POLR1A: variants seen among roughly 807,000 people sequenced by gnomAD.
The protein encoded by POLR1A is RNA polymerase I subunit A.
POLR1A carries 84 observed loss-of-function variants against 205.3 expected under a neutral mutation model. The ratio of observed to expected loss-of-function variants is 0.41; its 90% confidence interval spans 0.34 to 0.49. The LOEUF (loss-of-function observed/expected upper bound fraction) is 0.49, where lower values mean the gene tolerates loss of function less well. Among genes scored for constraint, POLR1A ranks in the 20% least tolerant of loss-of-function variants. The pLI is 0.22. For synonymous variants in POLR1A, 799 were observed against 863.7 expected, an observed-to-expected ratio of 0.93 and a Z score of 1.31; for missense variants, 1,645 against 2,204.5, an observed-to-expected ratio of 0.75 and a Z score of 5.08.
At position 86,075,031 on chromosome 2, in the gene POLR1A, A is replaced by G. The variant is rs1248216729; in HGVS notation, c.1610T>C (p.Ile537Thr). Residue 537 changes from isoleucine (I) to threonine (T), a missense_variant and splice_region_variant, in exon 12 of 34, where the codon ATT becomes ACT. Physicochemically the swap from Ile to Thr is moderately conservative, Grantham distance 89. Around this residue, in one of 16 missense-constraint regions of POLR1A, gnomAD observed 131 missense variants for 214.5 expected, o/e 0.61. Transcript: ENST00000263857. Reference sequence around the variant, plus strand: ...CTGACCAAAGCTGCCCTTACTCACAATTTTTGTCCCCTGGGGCTTAGGTGC... The same window carrying G: ...CTGACCAAAGCTGCCCTTACTCACAGTTTTTGTCCCCTGGGGCTTAGGTGC... ...TGAPKPQGTK[I>T]VCRHVKNGDI... 3.7e-6 allele frequency: 6 copies of G among 1,604,198 alleles called. No individual in the cohort carries two copies. In the African/African-American group the frequency reaches 4.0e-5, roughly 11 times the overall value.
intron 13 of POLR1A, among the ~76,000 whole-genome samples, chr2:86,067,274 T>C (rs974338733): frequency 2.6e-5 from 4 of 152,236 alleles, no homozygotes; most frequent in Admixed American, 6.5e-5. Flanking sequence ...TTCTCCTTAA[T>C]AGCAAAATGA....
chr2:86,034,998 G>A (rs2104383799), intron 27 of POLR1A, among the ~76,000 whole-genome samples: 1 of 152,232 alleles, frequency 6.6e-6, no homozygotes, highest in Non-Finnish European at 1.5e-5. Flanking sequence ...AGCCTTCTGA[G>A]TAGCTGGGAT....
chr2:86,083,257 C>T, intron 6 of POLR1A, 89 bp from the exon 7 acceptor site: 2 of 920,946 alleles, frequency 2.2e-6, no homozygotes, highest in Non-Finnish European at 3.5e-6. Flanking sequence ...ATCCCCAAGC[C>T]TGCAACTTGA....
intron 1 of POLR1A, among the ~76,000 whole-genome samples, chr2:86,105,473 T>C (rs1390756802): frequency 5.3e-5 from 8 of 152,058 alleles, no homozygotes; most frequent in Non-Finnish European, 8.8e-5. Flanking sequence ...CCCACCCTTA[T>C]ATTCCCCTAC....
At chr2:86,068,142 A>G (rs1673114485) in intron 13 of POLR1A, among the ~76,000 whole-genome samples, 1 of 152,160 alleles carries the variant, frequency 6.6e-6, no homozygotes, top group African/African-American at 2.4e-5. Flanking sequence ...AGCACATTCA[A>G]GGTCACTGGT....
Position 86,075,286 on chromosome 2 carries a change from A to G in POLR1A, c.1381-26T>C, listed in dbSNP as rs2288116. ...CTGGAAATGAGGAATGGAGGTAGAA[A>G]TTCAGGGCAGGGATAAAAAAAGGTC... On this transcript the variant is annotated intron_variant, in intron 11 of 33. Transcript: ENST00000263857. 0.012 allele frequency: 18,511 copies of G among 1,518,278 alleles called. 431 individuals carry two copies. The highest frequency in any genetic ancestry group is 0.12 in the East Asian group (5,030 of 43,110). 94.1% of individuals were successfully genotyped at this position (1,518,278 alleles called of 1,614,324 possible).
In POLR1A at chr2:86,070,652, C is replaced by T. The variant is rs371064861; in HGVS notation, c.1612-380G>A. ...TAACCATAACAAAATGAAGACATAA[C>T]CATAAAACCACTGGGTTTGAAAGGC... On this transcript the variant is annotated intron_variant, in intron 12 of 33. Coordinates refer to ENST00000263857, the MANE Select transcript of POLR1A (RefSeq NM_015425.6). This position sits in a 1 kb window ranked among gnomAD's most constrained non-coding sequence, Gnocchi z 4.4. Among the ~76,000 whole-genome samples the T allele has an allele frequency of 1.3e-4, 20 of 151,878 alleles. No homozygotes were observed. The highest frequency in any genetic ancestry group is 4.4e-4 in the African/African-American group (18 of 41,332).
intron 19 of POLR1A, among the ~76,000 whole-genome samples, chr2:86,046,575 G>A (rs192881247): frequency 5.7e-4 from 87 of 152,292 alleles, no homozygotes; most frequent in Middle Eastern, 3.4e-3. Context: ...GCCAGGTGCG[G>A]TGGCTCATGC....
chr2:86,045,183 A>G, intron 21 of POLR1A, 95 bp downstream of exon 21: 1 of 847,408 alleles, frequency 1.2e-6, no homozygotes, highest in Non-Finnish European at 1.9e-6. Flanking sequence ...TTTTTCATCC[A>G]AGGAATCTTA....
At chr2:86,080,634 A>G (rs1673382566) in intron 9 of POLR1A, among the ~76,000 whole-genome samples, 182 bp downstream of exon 9, 1 of 152,084 alleles carries the variant, frequency 6.6e-6, no homozygotes, top group African/African-American at 2.4e-5. Context: ...CCATGCTCAG[A>G]CCCATGTGTG....
At position 86,028,502 on chromosome 2, in the gene POLR1A, C is replaced by T; in HGVS notation, c.4897+92G>A. Reference sequence around the variant, plus strand: ...GCCTTAGTGCTGGACTGACTCGGTGCTGGACCGACACGGTCCTGACCCTCC... The same window carrying T: ...GCCTTAGTGCTGGACTGACTCGGTGTTGGACCGACACGGTCCTGACCCTCC... On this transcript the variant is annotated intron_variant, in intron 32 of 33. Transcript: ENST00000263857. This position sits in a 1 kb window ranked among gnomAD's most constrained non-coding sequence, Gnocchi z 4.5. The T allele has an allele frequency of 1.1e-6, 1 of 876,256 alleles. No individual in the cohort carries two copies. Among genetic ancestry groups the T allele is most frequent in the Non-Finnish European group, 2.0e-6 (1 of 512,592 alleles). 54.3% of individuals were successfully genotyped at this position (876,256 alleles called of 1,614,324 possible).
chr2:86,051,482 G>T (rs1672802139), intron 16 of POLR1A, among the ~76,000 whole-genome samples: 1 of 152,198 alleles, frequency 6.6e-6, no homozygotes, highest in Admixed American at 6.5e-5. Flanking sequence ...GCAGCTGCAG[G>T]TCCACAGGCC....
chr2:86,097,320 C>A (rs1402925630), intron 3 of POLR1A, among the ~76,000 whole-genome samples: 2 of 148,182 alleles, frequency 1.3e-5, no homozygotes, highest in African/African-American at 2.5e-5. Context: ...ATAGCCACTA[C>A]GGGAAACATA....
At chr2:86,099,931 G>A in intron 2 of POLR1A, 37 bp downstream of exon 2, 1 of 1,567,352 alleles carries the variant, frequency 6.4e-7, no homozygotes, top group Non-Finnish European at 8.8e-7. Context: ...AATCCCACCA[G>A]CAGCCCGGAG....
At chr2:86,068,499 T>A (rs1265123377) in intron 13 of POLR1A, among the ~76,000 whole-genome samples, 1 of 149,226 alleles carries the variant, frequency 6.7e-6, no homozygotes, top group African/African-American at 2.5e-5. Context: ...ACCAACCTCA[T>A]AAGGAAGGGA....
At chr2:86,079,614 G>A (rs1488326476) in intron 9 of POLR1A, among the ~76,000 whole-genome samples, 3 of 152,046 alleles carry the variant, frequency 2.0e-5, no homozygotes, top group African/African-American at 7.2e-5. Context: ...CCAGGCTGGA[G>A]GGCAGTGGTG....
At position 86,045,755 on chromosome 2, in the gene POLR1A, C is replaced by T. The variant is rs190533227; in HGVS notation, c.2748G>A (p.Leu916=). 6.2e-6 allele frequency: 10 copies of T among 1,607,082 alleles called. No homozygotes were observed. The highest frequency in any genetic ancestry group is 2.2e-5 in the East Asian group (1 of 44,832). The change falls in exon 20 of 34, where the codon CTG becomes CTA. Residue 916 remains leucine (L), a synonymous_variant. Transcript: ENST00000263857. ...TCCGACCTTCCAGTTCAATCTGGCC[C>T]AGCAGGCACGAGATCTGGAGGACAG... ...TVNTMQISCL[L]GQIELEGRRP... is the part of the protein sequence containing the mutation.
intron 12 of POLR1A, among the ~76,000 whole-genome samples, chr2:86,073,305 C>T (rs1673213448): frequency 6.6e-6 from 1 of 152,114 alleles, no homozygotes; most frequent in Non-Finnish European, 1.5e-5. Context: ...GATTGGAACA[C>T]AGCCATGCCT....
chr2:86,028,193 G>C lies in POLR1A; in HGVS notation c.4898-144C>G. On this transcript the variant is annotated intron_variant, in intron 32 of 33. Coordinates refer to ENST00000263857, the MANE Select transcript of POLR1A (RefSeq NM_015425.6). The surrounding 1 kb of genome is among the most constrained non-coding windows in gnomAD (Gnocchi z 4.5). Reference sequence around the variant, plus strand: ...CCCTTCAGCTCCGCCACCTGCTCACGCTACTTAACCCTTCCCCGTGGTCTG... The same window carrying C: ...CCCTTCAGCTCCGCCACCTGCTCACCCTACTTAACCCTTCCCCGTGGTCTG... 1.3e-6 allele frequency: 1 copy of C among 754,104 alleles called. No individual in the cohort carries two copies. The highest frequency in any genetic ancestry group is 2.3e-6 in the Non-Finnish European group (1 of 435,946). The allele number at this position is 754,104 out of a possible 1,614,324, so 46.7% of individuals were successfully genotyped here. A position where few individuals can be genotyped will look rare whatever the true frequency, so the allele number is the denominator to read the frequency against.
Sources: gnomAD v4.1 joint callset for allele counts (sites outside exome capture counted in the v4.1 genomes callset) on GRCh38, gnomAD v4.1.1 for gene constraint, gnomAD v4.1.1 regional missense constraint, Gnocchi (gnomAD v3.1) non-coding constraint, MANE v1.5 for transcripts, NCBI Gene and HGNC (gene_info 2026-07-23, HGNC 2026-07-21) for gene names.